DPP6: variants seen among roughly 807,000 people sequenced by gnomAD.
DPP6 encodes dipeptidyl peptidase like 6.
Under a neutral mutation model 122.6 loss-of-function variants are expected in DPP6, and 69 were observed. The observed-to-expected ratio is 0.56, with a 90% CI of 0.46 to 0.69. The LOEUF (loss-of-function observed/expected upper bound fraction) is 0.69. Ranked by LOEUF, DPP6 falls within the 30% of genes least tolerant of loss-of-function variation. DPP6 has a pLI of 0.00. For missense variants in DPP6, 928 were observed against 1,116.9 expected (o/e 0.83, Z 2.41); for synonymous variants, 418 against 433.1 (o/e 0.97, Z 0.43).
intron 1 of DPP6, among the ~76,000 whole-genome samples, chr7:154,337,850 G>C (rs1809564747): frequency 1.3e-5 from 2 of 152,226 alleles, no homozygotes; most frequent in African/African-American, 2.4e-5. Context: ...TTGCTGGGCT[G>C]ATTTGGGTGC....
chr7:154,268,920 G>GTCA (rs1803608435), intron 1 of DPP6, among the ~76,000 whole-genome samples: 1 of 146,444 alleles, frequency 6.8e-6, no homozygotes, highest in Non-Finnish European at 1.5e-5. Context: ...ACAAGATCCT[G>GTCA]TCATCTCACT....
At chr7:154,619,849 T>G (rs781734518) in intron 5 of DPP6, among the ~76,000 whole-genome samples, 1 of 152,198 alleles carries the variant, frequency 6.6e-6, no homozygotes, top group South Asian at 2.1e-4. Flanking sequence ...ACATCAGTAC[T>G]TTTTTAAAAA....
chr7:154,485,449 T>C (rs948857155), intron 3 of DPP6, among the ~76,000 whole-genome samples: 4 of 152,212 alleles, frequency 2.6e-5, no homozygotes, highest in Admixed American at 6.5e-5. Flanking sequence ...AACCCAATCA[T>C]GTCTCTGACT....
intron 1 of DPP6, among the ~76,000 whole-genome samples, chr7:154,349,380 C>T (rs183210281): frequency 9.2e-5 from 14 of 152,130 alleles, no homozygotes; most frequent in South Asian, 6.2e-4. Flanking sequence ...TTCACCATGT[C>T]GGCCAGGCTT....
At chr7:154,811,552 G>T (rs1799061377) in intron 16 of DPP6, among the ~76,000 whole-genome samples, 1 of 152,252 alleles carries the variant, frequency 6.6e-6, no homozygotes, top group South Asian at 2.1e-4. Context: ...AGCAGTCCAA[G>T]TGGAAGGTAC....
rs547091427 is a variant in DPP6 at position 154,686,747 on chromosome 7, G to A, written c.762+17306G>A. 2.0e-5 allele frequency among the ~76,000 whole-genome samples: 3 copies of A among 152,040 alleles called. No homozygotes were observed. The South Asian group carries it at 6.3e-4, about 32-fold the overall frequency. ...AGCTTGTATGTCTCCTTTTCCAGGG[G>A]GTGACCTAAGTATTTGATGTTAGTT... On this transcript the variant is annotated intron_variant, in intron 7 of 25. Transcript: ENST00000377770.
intron 1 of DPP6, among the ~76,000 whole-genome samples, chr7:154,131,563 G>A (rs747716534): frequency 1.4e-4 from 21 of 152,274 alleles, no homozygotes; most frequent in Non-Finnish European, 2.6e-4. Flanking sequence ...TAATTACAAT[G>A]TGCATCCAGG....
chr7:154,748,512 A>C (rs1843144657), intron 8 of DPP6, among the ~76,000 whole-genome samples: 1 of 152,212 alleles, frequency 6.6e-6, no homozygotes, highest in Non-Finnish European at 1.5e-5. Context: ...GCGGCACTAG[A>C]CAACGCCAAG....
chr7:154,313,566 A>G (rs921485102), intron 1 of DPP6, among the ~76,000 whole-genome samples: 2 of 151,130 alleles, frequency 1.3e-5, no homozygotes, highest in Non-Finnish European at 2.9e-5. Context: ...TAATCTAGGC[A>G]TGTTTTGATA....
chr7:154,005,130 A>G (rs1585163101), intron 1 of DPP6, among the ~76,000 whole-genome samples: 2 of 152,282 alleles, frequency 1.3e-5, no homozygotes, highest in East Asian at 3.9e-4. Flanking sequence ...GGGTATATAC[A>G]CTGTCAAACA....
chr7:154,708,912 G>T (rs1171789473), intron 7 of DPP6, among the ~76,000 whole-genome samples: 2 of 152,074 alleles, frequency 1.3e-5, no homozygotes, highest in Non-Finnish European at 2.9e-5. Context: ...GCTGGGCATG[G>T]TGGCACATGT....
the DPP6 span, among the ~76,000 whole-genome samples, chr7:153,768,693 ATCTG>A: frequency 2.0e-5 from 3 of 152,128 alleles, no homozygotes. Flanking sequence ...TAGCTCAGTT[ATCTG>A]TCTTTTGAAA....
chr7:154,659,864 T>C (rs1837502012), intron 6 of DPP6, among the ~76,000 whole-genome samples: 1 of 152,252 alleles, frequency 6.6e-6, no homozygotes, highest in South Asian at 2.1e-4. Flanking sequence ...CTCTTTGGAC[T>C]ATGGTAGAGT....
chr7:153,759,346 T>TCTCG, the DPP6 span, among the ~76,000 whole-genome samples: 1 of 151,864 alleles, frequency 6.6e-6, no homozygotes, highest in East Asian at 1.9e-4. Context: ...TGAGACCCAG[T>TCTCG]CTCGCTCTGT....
At chr7:153,930,575 A>AT (rs1801126854) in intron 1 of DPP6, among the ~76,000 whole-genome samples, 1 of 152,228 alleles carries the variant, frequency 6.6e-6, no homozygotes, top group Non-Finnish European at 1.5e-5. Flanking sequence ...ACTGCACACC[A>AT]TGGCAACTAC....
intron 1 of DPP6, among the ~76,000 whole-genome samples, chr7:153,949,476 G>T (rs1585076453): frequency 6.6e-6 from 1 of 152,172 alleles, no homozygotes; most frequent in Admixed American, 6.5e-5. Context: ...ATGATTCCGA[G>T]ATCCCTCTGC....
intron 1 of DPP6, among the ~76,000 whole-genome samples, chr7:153,950,345 T>C (rs1035752040): frequency 1.3e-5 from 2 of 152,058 alleles, no homozygotes; most frequent in Admixed American, 1.3e-4. Flanking sequence ...CATGGAATGT[T>C]AGGTGTGAGA....
At chr7:153,967,678 G>A (rs1795824610) in intron 1 of DPP6, among the ~76,000 whole-genome samples, 1 of 152,120 alleles carries the variant, frequency 6.6e-6, no homozygotes, top group African/African-American at 2.4e-5. Flanking sequence ...AGAGCTGCCT[G>A]TGATACACTG....
chr7:154,191,480 C>G (rs1325850593), intron 1 of DPP6, among the ~76,000 whole-genome samples: 1 of 152,152 alleles, frequency 6.6e-6, no homozygotes, highest in African/African-American at 2.4e-5. Flanking sequence ...CAAGGCCTGT[C>G]ACTTCTGAAA....
Sources: allele counts gnomAD v4.1 joint callset (sites outside exome capture counted in the v4.1 genomes callset), GRCh38; gene constraint gnomAD v4.1.1; transcripts MANE v1.5; gene names NCBI Gene and HGNC (gene_info 2026-07-23, HGNC 2026-07-21).